Variants in NYAP2 observed in about 807,000 individuals in gnomAD.
NYAP2 encodes neuronal tyrosine-phosphorylated phosphoinositide-3-kinase adaptor 2.
In NYAP2, 23 loss-of-function variants were observed where a neutral mutation model predicts 50.4. The observed-to-expected ratio is 0.46, with a 90% confidence interval of 0.33 to 0.65. The LOEUF (loss-of-function observed/expected upper bound fraction) is 0.65. Among genes scored for constraint, NYAP2 ranks in the 30% least tolerant of loss-of-function variants. NYAP2 has a pLI of 0.02. For missense variants in NYAP2, 885 were observed against 861.0 expected (o/e 1.03, Z -0.35); for synonymous variants, 394 against 365.2 (o/e 1.08, Z -0.90).
chr2:225,556,160 T>C (rs952122224), intron 4 of NYAP2, among the ~76,000 whole-genome samples: 2 of 152,198 alleles, frequency 1.3e-5, no homozygotes, highest in Middle Eastern at 3.2e-3. Flanking sequence ...AATGTTACCA[T>C]ATTGGAAAGC....
At chr2:225,485,298 T>A (rs1186138948) in intron 3 of NYAP2, among the ~76,000 whole-genome samples, 1 of 152,194 alleles carries the variant, frequency 6.6e-6, no homozygotes, top group African/African-American at 2.4e-5. Context: ...CCCAGCCACA[T>A]GGAACTGTGA....
intron 5 of NYAP2, among the ~76,000 whole-genome samples, chr2:225,590,429 T>A (rs947352751): frequency 6.6e-6 from 1 of 152,226 alleles, no homozygotes; most frequent in East Asian, 1.9e-4. Flanking sequence ...CATATTCACC[T>A]GGATGTTGTT....
chr2:225,687,609 TA>T, the NYAP2 span, among the ~76,000 whole-genome samples: 1 of 152,316 alleles, frequency 6.6e-6, no homozygotes, highest in African/African-American at 2.4e-5. Flanking sequence ...TAAGAGACCT[TA>T]AAATGATTCA....
At chr2:225,461,652 G>A (rs1689835520) in intron 3 of NYAP2, among the ~76,000 whole-genome samples, 2 of 152,020 alleles carry the variant, frequency 1.3e-5, no homozygotes, top group Non-Finnish European at 2.9e-5. Context: ...AGGGCAGGAG[G>A]GAAATCCAAA....
At chr2:225,580,811 G>A (rs1316930236) in intron 4 of NYAP2, among the ~76,000 whole-genome samples, 4 of 150,434 alleles carry the variant, frequency 2.7e-5, no homozygotes, top group African/African-American at 9.7e-5. Context: ...TTTGTGCCTT[G>A]AGACCCTTCT....
At chr2:225,526,977 C>T (rs1691162549) in intron 4 of NYAP2, among the ~76,000 whole-genome samples, 1 of 152,138 alleles carries the variant, frequency 6.6e-6, no homozygotes, top group South Asian at 2.1e-4. Flanking sequence ...AGTTGCGCAT[C>T]TACCATGTGT....
intron 4 of NYAP2, among the ~76,000 whole-genome samples, chr2:225,551,838 G>A (rs1376467873): frequency 6.6e-6 from 1 of 152,124 alleles, no homozygotes; most frequent in Non-Finnish European, 1.5e-5. Flanking sequence ...TTGAGATGGA[G>A]TTTTACTCTT....
chr2:225,538,752 A>ATTTTATTTTC (rs1691395075), intron 4 of NYAP2, among the ~76,000 whole-genome samples: 1 of 124,026 alleles, frequency 8.1e-6, no homozygotes, highest in Non-Finnish European at 1.7e-5. Flanking sequence ...AGAAAATGAG[A>ATTTTATTTTC]TTTTCTTTTC....
chr2:225,432,852 G>A (rs1298576174), intron 3 of NYAP2, among the ~76,000 whole-genome samples: 2 of 152,046 alleles, frequency 1.3e-5, no homozygotes, highest in South Asian at 2.1e-4. Flanking sequence ...ATCTAAAAAG[G>A]CTGCTCCATC....
chr2:225,649,435 C>T (rs1240754940), intron 6 of NYAP2, among the ~76,000 whole-genome samples: 1 of 152,160 alleles, frequency 6.6e-6, no homozygotes, highest in African/African-American at 2.4e-5. Flanking sequence ...TCTCTCCTTG[C>T]CCTGCTCCCC....
At chr2:225,658,811 CTACTT>C (rs1163806944), downstream of NYAP2, among the ~76,000 whole-genome samples, 1 of 152,156 alleles carries the variant, frequency 6.6e-6, no homozygotes, top group Non-Finnish European at 1.5e-5. Context: ...TATTTCCTTT[CTACTT>C]TAATACAAAG....
At chr2:225,602,400 CTGAG>C (rs1408662500) in intron 5 of NYAP2, among the ~76,000 whole-genome samples, 3 of 152,260 alleles carry the variant, frequency 2.0e-5, no homozygotes, top group Admixed American at 6.5e-5. Context: ...GGTTCACAGA[CTGAG>C]TGTTTCCATT....
At chr2:225,571,818 A>C (rs1234670977) in intron 4 of NYAP2, among the ~76,000 whole-genome samples, 4 of 152,184 alleles carry the variant, frequency 2.6e-5, no homozygotes, top group Non-Finnish European at 5.9e-5. Flanking sequence ...AACAGGCTTG[A>C]ATTTCTCCAT....
At chr2:225,644,502 A>G (rs908934627) in intron 6 of NYAP2, among the ~76,000 whole-genome samples, 8 of 151,782 alleles carry the variant, frequency 5.3e-5, no homozygotes, top group African/African-American at 1.9e-4. Context: ...TGTTTTAGAC[A>G]TGAAGTCCTT....
At chr2:225,445,305 C>T (rs1689535456) in intron 3 of NYAP2, among the ~76,000 whole-genome samples, 1 of 151,724 alleles carries the variant, frequency 6.6e-6, no homozygotes, top group South Asian at 2.1e-4. Context: ...TGTACTTTTC[C>T]TAAAGTTTTT....
chr2:225,397,961 A>G (rs554005811), upstream of NYAP2, among the ~76,000 whole-genome samples: 17 of 151,946 alleles, frequency 1.1e-4, no homozygotes, highest in Non-Finnish European at 2.5e-4. Context: ...AGAAAAAGAT[A>G]TATTTTCCTA....
chr2:225,415,419 T>C (rs1280190062), intron 3 of NYAP2, among the ~76,000 whole-genome samples: 1 of 152,122 alleles, frequency 6.6e-6, no homozygotes, highest in Non-Finnish European at 1.5e-5. Flanking sequence ...TTTGAATTGG[T>C]TAATATTTTA....
intron 4 of NYAP2, among the ~76,000 whole-genome samples, chr2:225,530,503 A>G (rs1348843329): frequency 2.0e-5 from 3 of 152,076 alleles, no homozygotes; most frequent in Admixed American, 6.5e-5. Flanking sequence ...CCTAAATCCC[A>G]TGCTCCTTGG....
At chr2:225,523,453 A>C (rs1399737306) in intron 4 of NYAP2, among the ~76,000 whole-genome samples, 1 of 152,110 alleles carries the variant, frequency 6.6e-6, no homozygotes, top group Non-Finnish European at 1.5e-5. Context: ...GGACCAATTC[A>C]AAAAGTCAAT....
Sources: gnomAD v4.1 joint callset for allele counts (sites outside exome capture counted in the v4.1 genomes callset) on GRCh38, gnomAD v4.1.1 for gene constraint, MANE v1.5 for transcripts, NCBI Gene and HGNC (gene_info 2026-07-23, HGNC 2026-07-21) for gene names.